CUX1: variants seen among roughly 807,000 people sequenced by gnomAD.
CUX1 encodes the protein protein CASP.
In CUX1, 31 loss-of-function variants were observed where a neutral mutation model predicts 158.8. The ratio of observed to expected loss-of-function variants is 0.20; its 90% confidence interval spans 0.15 to 0.26. The LOEUF (loss-of-function observed/expected upper bound fraction) is 0.26. Among genes scored for constraint, CUX1 ranks in the 10% least tolerant of loss-of-function variants. The pLI is 1.00. For missense variants in CUX1, 1,589 were observed against 2,014.6 expected (o/e 0.79, Z 4.04); for synonymous variants, 879 against 862.1 (o/e 1.02, Z -0.34).
At chr7:102,021,614 C>CT (rs67147187) in intron 2 of CUX1, among the ~76,000 whole-genome samples, 1,115 of 109,292 alleles carry the variant, frequency 0.01, 1 homozygote, top group Non-Finnish European at 0.016. Flanking sequence ...TTTTTTTTCT[C>CT]TTTTTTTTTT....
chr7:102,135,119 C>T (rs1833757004), intron 8 of CUX1, among the ~76,000 whole-genome samples: 1 of 152,164 alleles, frequency 6.6e-6, no homozygotes, highest in South Asian at 2.1e-4. Context: ...GTTAGAGGCA[C>T]TGACCCCCGA....
chr7:102,196,413 C>A (rs1794803173), intron 14 of CUX1, among the ~76,000 whole-genome samples: 1 of 152,298 alleles, frequency 6.6e-6, no homozygotes, highest in East Asian at 1.9e-4. Flanking sequence ...ACAAGAAAGG[C>A]GCAAACATGA....
chr7:102,130,508 C>T (rs1364180393), intron 8 of CUX1, among the ~76,000 whole-genome samples: 1 of 152,036 alleles, frequency 6.6e-6, no homozygotes, highest in Non-Finnish European at 1.5e-5. Context: ...TAGCAAAACC[C>T]CATCTCTACT....
chr7:102,212,476 G>A (rs1418133166), intron 20 of CUX1, among the ~76,000 whole-genome samples: 2 of 152,208 alleles, frequency 1.3e-5, no homozygotes, highest in Non-Finnish European at 2.9e-5. Flanking sequence ...CTCACCCAAA[G>A]AGAGGGAAGT....
intron 20 of CUX1, among the ~76,000 whole-genome samples, chr7:102,226,970 G>A (rs1346421181): frequency 6.6e-6 from 1 of 152,090 alleles, no homozygotes. Flanking sequence ...TATGCTTTTT[G>A]TTCTGGAAAA....
At chr7:102,134,787 G>T (rs1276886116) in intron 8 of CUX1, among the ~76,000 whole-genome samples, 1 of 151,908 alleles carries the variant, frequency 6.6e-6, no homozygotes, top group Non-Finnish European at 1.5e-5. Flanking sequence ...TTAGAGATGG[G>T]GTCTCACTGT....
At chr7:102,063,824 G>T (rs1362137576) in intron 3 of CUX1, among the ~76,000 whole-genome samples, 1 of 152,230 alleles carries the variant, frequency 6.6e-6, no homozygotes, top group Admixed American at 6.5e-5. Flanking sequence ...CCCACTGCGT[G>T]CCCGTGGTCG....
At position 102,189,889 on chromosome 7, in the gene CUX1, T is replaced by A. The variant is rs782817363; in HGVS notation, c.1076+18T>A. On this transcript the variant is annotated intron_variant, in intron 12 of 23. Coordinates refer to ENST00000292535, the MANE Select transcript of CUX1 (RefSeq NM_181552.4). Reference sequence around the variant, plus strand: ...GAGCTGAAGTAAGTACGGAGAGCCCTGTGGCCCCTCACACGCTGGGGCGCA... The same window carrying A: ...GAGCTGAAGTAAGTACGGAGAGCCCAGTGGCCCCTCACACGCTGGGGCGCA... 99 of 1,613,936 alleles carry A rather than the reference T, an allele frequency of 6.1e-5. 2 individuals are homozygous for A. The South Asian group carries it at 7.9e-4, about 13-fold the overall frequency.
upstream of CUX1, chr7:101,816,964 C>A (rs915459346): frequency 6.1e-6 from 6 of 983,462 alleles, no homozygotes; most frequent in African/African-American, 1.8e-5. Context: ...CGGGGCCACC[C>A]GCGCACCTCG....
At chr7:101,979,510 C>T (rs1168067629) in intron 2 of CUX1, among the ~76,000 whole-genome samples, 1 of 152,172 alleles carries the variant, frequency 6.6e-6, no homozygotes, top group Non-Finnish European at 1.5e-5. Context: ...TCTTTTATCA[C>T]TTCTAGGGAC....
At chr7:101,987,367 C>T (rs895985988) in intron 2 of CUX1, among the ~76,000 whole-genome samples, 3 of 152,180 alleles carry the variant, frequency 2.0e-5, no homozygotes, top group Non-Finnish European at 2.9e-5. Flanking sequence ...TCAGATACTT[C>T]CACGGTAATG....
At chr7:102,228,392 T>G (rs1414907309) in intron 21 of CUX1, among the ~76,000 whole-genome samples, 1 of 152,016 alleles carries the variant, frequency 6.6e-6, no homozygotes, top group Admixed American at 6.6e-5. Flanking sequence ...GACATGTTGA[T>G]GTGCACCTGT....
chr7:102,177,932 G>C (rs1261513418), intron 10 of CUX1, among the ~76,000 whole-genome samples: 1 of 151,902 alleles, frequency 6.6e-6, no homozygotes, highest in African/African-American at 2.4e-5. Context: ...TCATTCCTTT[G>C]CCCAGGCTGA....
chr7:101,858,920 T>C (rs909892222), intron 1 of CUX1, among the ~76,000 whole-genome samples: 17 of 152,242 alleles, frequency 1.1e-4, no homozygotes, highest in African/African-American at 4.1e-4. Flanking sequence ...CTTCCCTCGG[T>C]CTCCCAGGGA....
intron 16 of CUX1, among the ~76,000 whole-genome samples, chr7:102,274,614 T>G (rs1256376351): frequency 6.6e-6 from 1 of 152,100 alleles, no homozygotes; most frequent in Non-Finnish European, 1.5e-5. Flanking sequence ...AGACCCTGTC[T>G]CTAAAAAACA....
intron 21 of CUX1, among the ~76,000 whole-genome samples, chr7:102,282,449 T>C (rs1792148961): frequency 1.3e-5 from 2 of 152,152 alleles, no homozygotes; most frequent in African/African-American, 4.8e-5. Flanking sequence ...AGAGCTAACC[T>C]GGGCTCAAGT....
In CUX1 at chr7:102,172,208, C is replaced by T. The variant is rs138548755; in HGVS notation, c.828+1658C>T. 4.2e-3 allele frequency among the ~76,000 whole-genome samples: 635 copies of T among 152,314 alleles called. 5 individuals are homozygous for T. Among genetic ancestry groups the T allele is most frequent in the African/African-American group, 0.015 (607 of 41,566 alleles). Reference sequence around the variant, plus strand: ...CCGGGTTCAAGCAATTCTCGTGCCTCAGCCTCCCAACTAGCTGGAGCTGCA... The same window carrying T: ...CCGGGTTCAAGCAATTCTCGTGCCTTAGCCTCCCAACTAGCTGGAGCTGCA... On this transcript the variant is annotated intron_variant, in intron 10 of 23. Transcript: ENST00000292535.
chr7:101,917,003 G>C (rs902084749), intron 2 of CUX1, among the ~76,000 whole-genome samples: 2 of 151,912 alleles, frequency 1.3e-5, no homozygotes, highest in Non-Finnish European at 2.9e-5. Flanking sequence ...TCCCCATGGC[G>C]CTCATCCCGC....
At chr7:102,059,054 C>G (rs1824473722) in intron 3 of CUX1, among the ~76,000 whole-genome samples, 1 of 152,200 alleles carries the variant, frequency 6.6e-6, no homozygotes, top group Admixed American at 6.5e-5. Flanking sequence ...ATCTGCTGTC[C>G]TGGAGCATTT....
Sources: gnomAD v4.1 joint callset for allele counts (sites outside exome capture counted in the v4.1 genomes callset) on GRCh38, gnomAD v4.1.1 for gene constraint, MANE v1.5 for transcripts, NCBI Gene and HGNC (gene_info 2026-07-23, HGNC 2026-07-21) for gene names.